Variants in CLASP2 observed in about 807,000 individuals in gnomAD.
CLASP2 encodes the protein CLIP-associating protein 2.
In CLASP2, 47 loss-of-function variants were observed where a neutral mutation model predicts 194.4. The ratio of observed to expected loss-of-function variants is 0.24; its 90% confidence interval spans 0.19 to 0.31. CLASP2 has a LOEUF of 0.31. Ranked by LOEUF, CLASP2 falls within the 10% of genes least tolerant of loss-of-function variation. CLASP2 has a pLI of 1.00. For synonymous variants in CLASP2, 619 were observed against 633.5 expected (o/e 0.98, Z 0.34); for missense variants, 1,445 against 1,823.6 (o/e 0.79, Z 3.78).
intron 4 of CLASP2, among the ~76,000 whole-genome samples, 200 bp downstream of exon 4, chr3:33,688,077 T>C (rs1044980165): frequency 6.6e-6 from 1 of 152,158 alleles, no homozygotes; most frequent in African/African-American, 2.4e-5. Context: ...AGAGAAACAC[T>C]TATTACTGAC....
At chr3:33,669,314 G>A (rs568372062) in intron 6 of CLASP2, among the ~76,000 whole-genome samples, 13 of 152,120 alleles carry the variant, frequency 8.5e-5, no homozygotes, top group African/African-American at 2.2e-4. Context: ...TGAATAAAAC[G>A]TTAAGACAAT....
intron 24 of CLASP2, 80 bp from the exon 25 acceptor site, chr3:33,573,434 A>T (rs1224242439): frequency 1.4e-6 from 2 of 1,429,108 alleles, no homozygotes; most frequent in Non-Finnish European, 1.9e-6. Context: ...CCACAAAAGG[A>T]TTGATTTTTG....
intron 18 of CLASP2, 49 bp downstream of exon 18, chr3:33,602,903 G>C (rs1377234057): frequency 6.6e-7 from 1 of 1,522,442 alleles, no homozygotes. Flanking sequence ...TGTCTTCACA[G>C]AGATCAGGGA....
chr3:33,618,534 G>A (rs555436174), intron 12 of CLASP2, among the ~76,000 whole-genome samples: 1 of 120,208 alleles, frequency 8.3e-6, no homozygotes, highest in Non-Finnish European at 1.8e-5. Flanking sequence ...TGTAGTACCC[G>A]CTACTTGGAG....
In CLASP2 at chr3:33,497,633, T is replaced by C. The variant is rs1463936954; in HGVS notation, c.*998A>G. The C allele has an allele frequency of 6.6e-6, 1 of 152,564 alleles. No homozygotes were observed. Among genetic ancestry groups the C allele is most frequent in the Non-Finnish European group, 1.5e-5 (1 of 68,010 alleles). 9.5% of individuals were successfully genotyped at this position (152,564 alleles called of 1,614,324 possible). ...GGATCAATATTTTCAAGTAAGACAA[T>C]TTCATGGTAAAAGGAAACCAGGTTC... On this transcript the variant is annotated 3_prime_UTR_variant, in exon 39 of 39. Transcript: ENST00000682230.
At chr3:33,563,519 G>A (rs2062130758) in intron 27 of CLASP2, among the ~76,000 whole-genome samples, 1 of 152,126 alleles carries the variant, frequency 6.6e-6, no homozygotes, top group African/African-American at 2.4e-5. Context: ...TGTATACCAG[G>A]GTTCAGTAAA....
chr3:33,497,734 C>T lies in CLASP2; in HGVS notation c.*897G>A, dbSNP rs1292728040. 1 of 152,520 alleles carries T rather than the reference C, an allele frequency of 6.6e-6. No individual in the cohort carries two copies. Among genetic ancestry groups the T allele is most frequent in the African/African-American group, 2.4e-5 (1 of 41,448 alleles). The allele number at this position is 152,520 out of a possible 1,614,324, so 9.4% of individuals were successfully genotyped here. A position where few individuals can be genotyped will look rare whatever the true frequency, so the allele number is the denominator to read the frequency against. ...TATTACGTGAGAAACAGAAGACGGT[C>T]AAGGACACACACGCACTTGATTTTT... On this transcript the variant is annotated 3_prime_UTR_variant, in exon 39 of 39. Coordinates refer to ENST00000682230, the MANE Select transcript of CLASP2 (RefSeq NM_001365631.1).
intron 1 of CLASP2, among the ~76,000 whole-genome samples, chr3:33,700,625 C>T (rs1244029376): frequency 6.6e-6 from 1 of 152,182 alleles, no homozygotes; most frequent in East Asian, 1.9e-4. Flanking sequence ...GCAGGCAGAT[C>T]ACCTGAGGTC....
At chr3:33,521,172 A>T (rs898147496) in intron 34 of CLASP2, among the ~76,000 whole-genome samples, 5 of 152,242 alleles carry the variant, frequency 3.3e-5, no homozygotes, top group Admixed American at 2.6e-4. Context: ...ATGAGTCCCT[A>T]CTGTTACAAA....
At chr3:33,676,421 T>C (rs1381536642) in intron 6 of CLASP2, among the ~76,000 whole-genome samples, 1 of 149,562 alleles carries the variant, frequency 6.7e-6, no homozygotes, top group Non-Finnish European at 1.5e-5. Context: ...TATCTGATCT[T>C]TGACAAACCT....
chr3:33,581,817 G>A lies in CLASP2; in HGVS notation c.2347+4C>T, dbSNP rs762395519. 4.4e-6 allele frequency: 7 copies of A among 1,606,534 alleles called. No individual in the cohort carries two copies. In the African/African-American group the frequency reaches 6.7e-5, roughly 15 times the overall value. On this transcript the variant is annotated splice_donor_region_variant and intron_variant, in intron 23 of 38. Transcript: ENST00000682230. ...ATGCACATAACACCTGCCCGAATAC[G>A]TACCGAGGGGCTGAAAAGAGCGAAC...
intron 29 of CLASP2, among the ~76,000 whole-genome samples, chr3:33,554,236 A>G (rs2154167951): frequency 6.6e-6 from 1 of 152,020 alleles, no homozygotes; most frequent in Admixed American, 6.6e-5. Context: ...AAAAAAAAAA[A>G]AAAAAAAATG....
At chr3:33,601,119 C>G (rs538465152) in intron 18 of CLASP2, among the ~76,000 whole-genome samples, 3 of 151,942 alleles carry the variant, frequency 2.0e-5, no homozygotes, top group African/African-American at 7.3e-5. Context: ...CCACCACGCC[C>G]GGCTAGTTTT....
chr3:33,535,542 A>G (rs1321087786), intron 33 of CLASP2, 81 bp from the exon 34 acceptor site: 8 of 1,103,392 alleles, frequency 7.3e-6, no homozygotes, highest in Non-Finnish European at 1.0e-5. Flanking sequence ...ATATTTCTCT[A>G]CTGCTTAAAA....
intron 18 of CLASP2, among the ~76,000 whole-genome samples, chr3:33,597,880 G>A (rs1377144452): frequency 6.6e-6 from 1 of 151,730 alleles, no homozygotes; most frequent in Non-Finnish European, 1.5e-5. Flanking sequence ...AGCCTCCCGA[G>A]TAGCTGGGAC....
intron 34 of CLASP2, among the ~76,000 whole-genome samples, chr3:33,524,043 A>G (rs539693983): frequency 6.6e-6 from 1 of 152,218 alleles, no homozygotes. Flanking sequence ...GACAGGCTAT[A>G]AGGCATACAG....
chr3:33,645,976 A>ACACACACAC (rs1430387945), intron 7 of CLASP2, among the ~76,000 whole-genome samples: 1 of 138,956 alleles, frequency 7.2e-6, no homozygotes. Context: ...ACACACACAC[A>ACACACACAC]ATGTATTTTA....
intron 6 of CLASP2, among the ~76,000 whole-genome samples, chr3:33,680,052 A>C (rs187843116): frequency 6.6e-6 from 1 of 152,232 alleles, no homozygotes; most frequent in African/African-American, 2.4e-5. Flanking sequence ...CCTAAAAAGA[A>C]ATGAGCTATC....
intron 1 of CLASP2, among the ~76,000 whole-genome samples, chr3:33,709,880 A>G (rs1195161519): frequency 6.6e-6 from 1 of 152,222 alleles, no homozygotes; most frequent in African/African-American, 2.4e-5. Context: ...AGATTTAGAA[A>G]TGTGAACCCT....
Sources: gnomAD v4.1 joint callset for allele counts (sites outside exome capture counted in the v4.1 genomes callset) on GRCh38, gnomAD v4.1.1 for gene constraint, MANE v1.5 for transcripts, NCBI Gene and HGNC (gene_info 2026-07-23, HGNC 2026-07-21) for gene names.